Variants in UST observed in about 807,000 individuals in gnomAD.
UST encodes the protein chondroitin sulfate 2-O-sulfotransferase.
In UST, 21 loss-of-function variants were observed where a neutral mutation model predicts 45.6. The ratio of observed to expected loss-of-function variants is 0.46; its 90% CI spans 0.33 to 0.66. The LOEUF (loss-of-function observed/expected upper bound fraction) is 0.66. UST is among the 30% of genes least tolerant of loss of function. The probability of loss-of-function intolerance (pLI) is 0.02; values close to 1 mark genes in which losing one functional copy is unlikely to be tolerated. For synonymous variants in UST, 215 were observed against 200.6 expected (o/e 1.07, Z -0.61); for missense variants, 463 against 512.4 (o/e 0.90, Z 0.93).
chr6:148,773,645 G>A (rs916480717), intron 1 of UST, among the ~76,000 whole-genome samples: 3 of 152,014 alleles, frequency 2.0e-5, no homozygotes, highest in Non-Finnish European at 4.4e-5. Context: ...AATTCTTTCC[G>A]TTGGGTGACA....
At chr6:148,895,157 A>G (rs1024052751) in intron 2 of UST, among the ~76,000 whole-genome samples, 1 of 150,858 alleles carries the variant, frequency 6.6e-6, no homozygotes, top group Non-Finnish European at 1.5e-5. Context: ...CTTCCATACC[A>G]CTCAGGTTTT....
intron 1 of UST, among the ~76,000 whole-genome samples, chr6:148,784,842 G>A (rs1246159384): frequency 6.6e-6 from 1 of 152,224 alleles, no homozygotes; most frequent in African/African-American, 2.4e-5. Flanking sequence ...CTTATCAGTG[G>A]ACATGAAGTA....
intron 1 of UST, among the ~76,000 whole-genome samples, chr6:148,761,675 GGCCTGGCCACACTCACCCCT>G (rs1562559666): frequency 2.6e-5 from 4 of 152,216 alleles, no homozygotes; most frequent in Non-Finnish European, 5.9e-5. Flanking sequence ...GAGCAACCTG[GGCCTGGCCACACTCACCCCT>G]GCAGCCTTGC....
intron 5 of UST, among the ~76,000 whole-genome samples, chr6:148,993,378 G>GA (rs11295482): frequency 0.013 from 1,916 of 149,930 alleles, 18 homozygotes; most frequent in African/African-American, 0.015. Flanking sequence ...TACTCTTTTT[G>GA]AAAAAAAAAA....
chr6:148,929,094 T>G (rs1779873870), intron 2 of UST, among the ~76,000 whole-genome samples: 1 of 152,206 alleles, frequency 6.6e-6, no homozygotes, highest in African/African-American at 2.4e-5. Flanking sequence ...GAATGGAGAT[T>G]TTCATGAACA....
intron 7 of UST, among the ~76,000 whole-genome samples, chr6:149,059,311 C>T (rs1210237244): frequency 3.3e-5 from 5 of 152,340 alleles, no homozygotes; most frequent in East Asian, 1.9e-4. Flanking sequence ...ACTCATGAAC[C>T]GAAACCTCTA....
intron 1 of UST, among the ~76,000 whole-genome samples, chr6:148,853,700 C>T (rs908609268): frequency 1.3e-5 from 2 of 152,200 alleles, no homozygotes; most frequent in African/African-American, 4.8e-5. Flanking sequence ...ATTTGTATTT[C>T]TCTAATGATC....
At chr6:148,870,539 T>A (rs1778529943) in intron 1 of UST, among the ~76,000 whole-genome samples, 1 of 152,244 alleles carries the variant, frequency 6.6e-6, no homozygotes, top group South Asian at 2.1e-4. Flanking sequence ...CTCTTCCCAG[T>A]GCCACACCCT....
At chr6:148,747,744 G>A (rs1775900584) in intron 1 of UST, 67 bp downstream of exon 1, 1 of 1,475,970 alleles carries the variant, frequency 6.8e-7, no homozygotes, top group Non-Finnish European at 8.9e-7. Context: ...GGAGAGGGTC[G>A]CGGCGGGGAC....
intron 1 of UST, among the ~76,000 whole-genome samples, chr6:148,837,066 T>C (rs375144230): frequency 8.5e-5 from 13 of 152,340 alleles, no homozygotes; most frequent in African/African-American, 3.1e-4. Context: ...AGTTCTCAAA[T>C]GATCCCATGT....
intron 2 of UST, among the ~76,000 whole-genome samples, chr6:148,917,715 C>T (rs9404004): frequency 0.67 from 101,084 of 151,808 alleles, 33,747 homozygotes; most frequent in East Asian, 0.76. Context: ...CAGGGGTCAG[C>T]TTCAGGGTAG....
chr6:149,036,685 A>T (rs1203910564), intron 7 of UST, among the ~76,000 whole-genome samples: 1 of 152,236 alleles, frequency 6.6e-6, no homozygotes, highest in African/African-American at 2.4e-5. Context: ...GAATCAAACT[A>T]CCGTAGCACT....
At chr6:148,842,054 C>T (rs573458380) in intron 1 of UST, among the ~76,000 whole-genome samples, 142 of 152,212 alleles carry the variant, frequency 9.3e-4, no homozygotes, top group Non-Finnish European at 1.8e-3. Flanking sequence ...TGCAGTGAGC[C>T]GAGATCTTAC....
chr6:148,994,695 C>T (rs1213066635), intron 5 of UST, among the ~76,000 whole-genome samples: 1 of 152,168 alleles, frequency 6.6e-6, no homozygotes. Context: ...TACTTTGTTT[C>T]CTCATAAAGG....
At chr6:148,775,638 T>TG (rs778440494) in intron 1 of UST, among the ~76,000 whole-genome samples, 9 of 133,632 alleles carry the variant, frequency 6.7e-5, no homozygotes, top group African/African-American at 2.2e-4. Context: ...TTTTTTTTTT[T>TG]TGGGGCGGGG....
intron 1 of UST, among the ~76,000 whole-genome samples, chr6:148,780,126 T>TAC (rs1317135514): frequency 5.4e-5 from 8 of 147,014 alleles, no homozygotes; most frequent in Admixed American, 2.0e-4. Flanking sequence ...TGTGTATATA[T>TAC]ATACACACAC....
intron 2 of UST, among the ~76,000 whole-genome samples, chr6:148,904,952 G>A (rs1779328044): frequency 6.6e-6 from 1 of 152,170 alleles, no homozygotes; most frequent in East Asian, 1.9e-4. Flanking sequence ...TATTGGGAAG[G>A]CATCAGCAGC....
intron 1 of UST, among the ~76,000 whole-genome samples, chr6:148,814,317 C>G (rs1777317072): frequency 6.6e-6 from 1 of 152,176 alleles, no homozygotes; most frequent in Non-Finnish European, 1.5e-5. Context: ...CTTTCTCTGC[C>G]CCCTTCTGCT....
chr6:148,864,480 G>A (rs970706654), intron 1 of UST, among the ~76,000 whole-genome samples: 7 of 152,224 alleles, frequency 4.6e-5, no homozygotes, highest in South Asian at 2.1e-4. Context: ...GCCCTGCTTC[G>A]GCTCATGCTC....
Sources: allele counts gnomAD v4.1 joint callset (sites outside exome capture counted in the v4.1 genomes callset), GRCh38; gene constraint gnomAD v4.1.1; transcripts MANE v1.5; gene names NCBI Gene and HGNC (gene_info 2026-07-23, HGNC 2026-07-21).